Variants in ALK observed in about 807,000 individuals in gnomAD.
ALK encodes the protein ALK receptor tyrosine kinase.
In ALK, 74 loss-of-function variants were observed where a neutral mutation model predicts 163.1. The observed-to-expected ratio is 0.45, with a 90% CI of 0.38 to 0.55. The LOEUF (loss-of-function observed/expected upper bound fraction) is 0.55. ALK is among the 20% of genes least tolerant of loss of function. ALK has a pLI of 0.00. For missense variants in ALK, 2,063 were observed against 2,105.3 expected, an observed-to-expected ratio of 0.98 and a Z score of 0.39; for synonymous variants, 960 against 843.2, an observed-to-expected ratio of 1.14 and a Z score of -2.40.
intron 1 of ALK, chr2:29,892,388 T>C (rs1369653775): frequency 6.6e-6 from 1 of 152,188 alleles, no homozygotes; most frequent in Non-Finnish European, 1.5e-5. Context: ...TTGGAAAGTA[T>C]CAAGAATTTG....
At chr2:29,556,152 C>G (rs183650780) in intron 3 of ALK, among the ~76,000 whole-genome samples, 3 of 152,264 alleles carry the variant, frequency 2.0e-5, no homozygotes, top group Admixed American at 6.5e-5. Flanking sequence ...CTGGGAGATG[C>G]CGCAGCCTAG....
chr2:29,452,055 T>C (rs1213226083), intron 4 of ALK, among the ~76,000 whole-genome samples: 1 of 152,200 alleles, frequency 6.6e-6, no homozygotes, highest in East Asian at 1.9e-4. Flanking sequence ...GACTACCCTA[T>C]TGGACAGCAC....
intron 4 of ALK, among the ~76,000 whole-genome samples, chr2:29,474,809 T>TG (rs11461058): frequency 0.16 from 24,311 of 152,034 alleles, 2,160 homozygotes; most frequent in East Asian, 0.35. Context: ...GCGATATAAG[T>TG]GGGGGAGAGG....
chr2:29,449,109 C>G (rs763539566), intron 4 of ALK, among the ~76,000 whole-genome samples: 5 of 152,168 alleles, frequency 3.3e-5, no homozygotes, highest in African/African-American at 4.8e-5. Context: ...GCTGTCTTGC[C>G]ATGCCATATC....
chr2:29,682,970 A>C (rs915435755), intron 3 of ALK, among the ~76,000 whole-genome samples: 6 of 152,246 alleles, frequency 3.9e-5, no homozygotes, highest in African/African-American at 1.4e-4. Flanking sequence ...ATTAACAAGT[A>C]AACACAGCAT....
chr2:29,347,212 C>T (rs1667974698), intron 5 of ALK, among the ~76,000 whole-genome samples: 1 of 152,188 alleles, frequency 6.6e-6, no homozygotes, highest in South Asian at 2.1e-4. Context: ...CTCCTGGCTG[C>T]CAGTTCAGGG....
intron 1 of ALK, among the ~76,000 whole-genome samples, chr2:29,872,731 A>G (rs1192234893): frequency 1.3e-5 from 2 of 152,248 alleles, no homozygotes; most frequent in African/African-American, 2.4e-5. Flanking sequence ...TCGAAAAATC[A>G]TAAGTCAACC....
chr2:29,786,036 C>T (rs1664007944), intron 1 of ALK, among the ~76,000 whole-genome samples: 1 of 152,076 alleles, frequency 6.6e-6, no homozygotes, highest in Non-Finnish European at 1.5e-5. Flanking sequence ...AAAAAGTTTT[C>T]GCCATTGTCA....
In ALK at chr2:29,193,075, C is replaced by T. The variant is rs1668911065; in HGVS notation, c.*149G>A. 1.2e-6 allele frequency: 1 copy of T among 868,786 alleles called. No homozygotes were observed. Among genetic ancestry groups the T allele is most frequent in the African/African-American group, 1.7e-5 (1 of 59,416 alleles). The allele number at this position is 868,786 out of a possible 1,614,324, so 53.8% of individuals were successfully genotyped here. A position where few individuals can be genotyped will look rare whatever the true frequency, so the allele number is the denominator to read the frequency against. ...GCTCAAAACCTTTCTAAAGCATTTTCAAAATACAGCTTTTTTGGTGGTACT... is the reference window on the plus strand; with the variant it reads ...GCTCAAAACCTTTCTAAAGCATTTTTAAAATACAGCTTTTTTGGTGGTACT... On this transcript the variant is annotated 3_prime_UTR_variant, in exon 29 of 29. Coordinates refer to ENST00000389048, the MANE Select transcript of ALK (RefSeq NM_004304.5).
intron 3 of ALK, among the ~76,000 whole-genome samples, chr2:29,601,734 T>A (rs1675385019): frequency 6.6e-6 from 1 of 151,268 alleles, no homozygotes; most frequent in Admixed American, 6.6e-5. Context: ...TCCAGAGGAG[T>A]GATGCCGGGT....
chr2:29,268,049 G>T (rs772032627), intron 11 of ALK, among the ~76,000 whole-genome samples: 3 of 152,142 alleles, frequency 2.0e-5, no homozygotes, highest in Non-Finnish European at 2.9e-5. Context: ...GTTTTCTCAG[G>T]CCAGCCAGGA....
intron 1 of ALK, among the ~76,000 whole-genome samples, chr2:29,791,627 T>C (rs1664191670): frequency 6.6e-6 from 1 of 151,694 alleles, no homozygotes; most frequent in Admixed American, 6.6e-5. Context: ...TAAAGTATAA[T>C]TAAAAATATA....
chr2:29,889,254 CATAT>C (rs5830136), intron 1 of ALK, among the ~76,000 whole-genome samples: 1 of 150,948 alleles, frequency 6.6e-6, no homozygotes, highest in Non-Finnish European at 1.5e-5. Flanking sequence ...TATATATACA[CATAT>C]ATATATATAC....
intron 4 of ALK, among the ~76,000 whole-genome samples, chr2:29,424,506 C>T (rs1456897321): frequency 6.6e-6 from 1 of 152,136 alleles, no homozygotes; most frequent in Non-Finnish European, 1.5e-5. Context: ...ATTATGATTA[C>T]CATTAAGGCA....
chr2:29,210,534 G>A (rs1319048320), intron 24 of ALK, among the ~76,000 whole-genome samples: 2 of 152,098 alleles, frequency 1.3e-5, no homozygotes, highest in Admixed American at 6.5e-5. Context: ...CCGGGTTCAA[G>A]CAATTCTCCT....
chr2:29,228,443 C>T (rs1664079219), intron 16 of ALK, among the ~76,000 whole-genome samples: 1 of 152,152 alleles, frequency 6.6e-6, no homozygotes, highest in Non-Finnish European at 1.5e-5. Flanking sequence ...GGGAATAGCT[C>T]CCATCAGCAG....
At chr2:29,549,106 T>G (rs1673646514) in intron 3 of ALK, among the ~76,000 whole-genome samples, 1 of 151,580 alleles carries the variant, frequency 6.6e-6, no homozygotes, top group Non-Finnish European at 1.5e-5. Flanking sequence ...AACTCTCTTT[T>G]GGGAAATAAC....
chr2:29,711,231 C>T (rs1478159713), intron 2 of ALK, among the ~76,000 whole-genome samples: 1 of 152,220 alleles, frequency 6.6e-6, no homozygotes, highest in African/African-American at 2.4e-5. Context: ...TCCTCTACAA[C>T]CTTTGCCACA....
chr2:29,451,248 C>T (rs1288243521), intron 4 of ALK, among the ~76,000 whole-genome samples: 2 of 152,146 alleles, frequency 1.3e-5, no homozygotes, highest in Non-Finnish European at 2.9e-5. Flanking sequence ...ATTTCCCACC[C>T]TTTCTCTGCA....
Sources: allele counts gnomAD v4.1 joint callset (sites outside exome capture counted in the v4.1 genomes callset), GRCh38; gene constraint gnomAD v4.1.1; transcripts MANE v1.5; gene names NCBI Gene and HGNC (gene_info 2026-07-23, HGNC 2026-07-21).